ZNF620: variants seen among roughly 807,000 people sequenced by gnomAD.
ZNF620 encodes zinc finger protein 620.
Under a neutral mutation model 13.3 loss-of-function variants are expected in ZNF620, and 10 were observed. The observed-to-expected ratio is 0.75, with a 90% CI of 0.46 to 1.28. The LOEUF (loss-of-function observed/expected upper bound fraction) is 1.28. Ranked by LOEUF, ZNF620 falls within the 50% of genes most tolerant of loss-of-function variation. ZNF620 has a pLI of 0.00. For missense variants in ZNF620, 461 were observed against 500.2 expected (o/e 0.92, Z 0.75); for synonymous variants, 166 against 177.6 (o/e 0.93, Z 0.52).
rs1698228240 is a variant in ZNF620 at position 40,512,408 on chromosome 3, C to T, written c.158C>T (p.Pro53Leu). 1 of 1,614,114 alleles carries T rather than the reference C, an allele frequency of 6.2e-7. No homozygotes were observed. The highest frequency in any genetic ancestry group is 1.3e-5 in the African/African-American group (1 of 75,052). The change falls in exon 4 of 5, where the codon CCA becomes CTA. Residue 53 changes from proline to leucine, a missense_variant. Coordinates refer to ENST00000314529, the MANE Select transcript of ZNF620 (RefSeq NM_175888.4). ...TTTCTTTCTCCCTGGGCAGCATTCC[C>T]ATTCACCACGCCTGTTCTGGTCTCC... ...NYANVASLAF[P>L]FTTPVLVSQL...
rs780731618 is a variant in ZNF620 at position 40,516,506 on chromosome 3, G to A, written c.912G>A (p.Gly304=). ...VFLQHQRFHT[G]EKLYECNECW... The stretch of plus-strand genomic sequence containing the variant: ...TCCAGCACCAGAGGTTCCACACTGG[G>A]GAGAAGCTCTATGAATGTAACGAAT... Residue 304 remains glycine, a synonymous_variant, in exon 5 of 5, where the codon GGG becomes GGA. Coordinates refer to ENST00000314529, the MANE Select transcript of ZNF620 (RefSeq NM_175888.4). 1 of 1,614,114 alleles carries A rather than the reference G, an allele frequency of 6.2e-7. No homozygotes were observed. The highest frequency in any genetic ancestry group is 1.3e-5 in the African/African-American group (1 of 75,024).
chr3:40,515,779 A>AT, intron 4 of ZNF620, 81 bp from the exon 5 acceptor site: 2 of 1,283,190 alleles, frequency 1.6e-6, no homozygotes, highest in South Asian at 3.0e-5. Flanking sequence ...CAGCACAGAT[A>AT]TTGTGTGTGT....
chr3:40,516,996 C>G lies in ZNF620; in HGVS notation c.*133C>G. 2 of 960,720 alleles carry G rather than the reference C, an allele frequency of 2.1e-6. No homozygotes were observed. Among genetic ancestry groups the G allele is most frequent in the South Asian group, 2.2e-5 (1 of 45,518 alleles). 59.5% of individuals were successfully genotyped at this position (960,720 alleles called of 1,614,324 possible). ...TGAACTCTTCTTTAAGTTTTTTGAA[C>G]CTGTTTCCCCAACATGAAGTCTCTT... On this transcript the variant is annotated 3_prime_UTR_variant, in exon 5 of 5. Coordinates refer to ENST00000314529, the MANE Select transcript of ZNF620 (RefSeq NM_175888.4).
chr3:40,506,848 T>G (rs1575284880), intron 2 of ZNF620, among the ~76,000 whole-genome samples: 1 of 152,328 alleles, frequency 6.6e-6, no homozygotes, highest in African/African-American at 2.4e-5. Context: ...ATTTCAATAT[T>G]GAACAGAAGT....
intron 2 of ZNF620, among the ~76,000 whole-genome samples, chr3:40,508,234 A>C (rs1210285598): frequency 6.6e-6 from 1 of 151,104 alleles, no homozygotes; most frequent in Admixed American, 6.6e-5. Flanking sequence ...TTTTGTGTTA[A>C]ATTTGCTATT....
At chr3:40,513,316 A>AAAAATATAT (rs1193351404) in intron 4 of ZNF620, among the ~76,000 whole-genome samples, 28 of 62,636 alleles carry the variant, frequency 4.5e-4, no homozygotes, top group African/African-American at 2.0e-3. Flanking sequence ...AAAAAAAAAA[A>AAAAATATAT]ATATATATAT....
Position 40,516,790 on chromosome 3 carries a change from A to C in ZNF620, c.1196A>C (p.Lys399Thr), listed in dbSNP as rs1698404260. 5 of 1,614,166 alleles carry C rather than the reference A, an allele frequency of 3.1e-6. No homozygotes were observed. Among genetic ancestry groups the C allele is most frequent in the Non-Finnish European group, 4.2e-6 (5 of 1,180,006 alleles). ...EKPYECKVCG[K>T]TFSWCGRFIL... is the part of the protein sequence containing the mutation. ...CCTTATGAGTGTAAAGTGTGTGGTA[A>C]AACCTTCAGCTGGTGTGGAAGATTC... Residue 399 changes from lysine (K) to threonine (T), a missense_variant, in exon 5 of 5, where the codon AAA (lysine) becomes ACA (threonine). Coordinates refer to ENST00000314529, the MANE Select transcript of ZNF620 (RefSeq NM_175888.4).
At chr3:40,511,680 CTTTT>C in intron 3 of ZNF620, 84 bp downstream of exon 3, 1 of 1,525,754 alleles carries the variant, frequency 6.6e-7, no homozygotes, top group Non-Finnish European at 8.8e-7. Flanking sequence ...GGGTTTTTTT[CTTTT>C]TTTCTTTTTT....
intron 2 of ZNF620, among the ~76,000 whole-genome samples, chr3:40,507,451 TG>T (rs1189794771): frequency 9.2e-5 from 14 of 152,184 alleles, no homozygotes; most frequent in African/African-American, 3.1e-4. Context: ...AACTCTGCGG[TG>T]GGATAAAACC....
At chr3:40,512,309 T>C in intron 3 of ZNF620, 93 bp from the exon 4 acceptor site, 1 of 1,052,864 alleles carries the variant, frequency 9.5e-7, no homozygotes, top group East Asian at 2.5e-5. Context: ...TGTCTCTCAC[T>C]ACCTGGCTCA....
intron 2 of ZNF620, among the ~76,000 whole-genome samples, chr3:40,507,462 C>T (rs1248065657): frequency 4.6e-5 from 7 of 152,040 alleles, no homozygotes; most frequent in Non-Finnish European, 7.4e-5. Context: ...GGGATAAAAC[C>T]GACTTCGTCA....
Position 40,516,024 on chromosome 3 carries a change from ACAAAGT to A in ZNF620, c.436_441del (p.Ser146_Lys147del). ...GCCACAAGGTCATTGGATAATTAAG[ACAAAGT>A]CAAAGAGGAGACATTTCACAGATAC... On this transcript the variant is annotated inframe_deletion, in exon 5 of 5. Coordinates refer to ENST00000314529, the MANE Select transcript of ZNF620 (RefSeq NM_175888.4). 1 of 1,614,182 alleles carries A rather than the reference ACAAAGT, an allele frequency of 6.2e-7. No individual in the cohort carries two copies.
Position 40,516,456 on chromosome 3 carries a change from G to A in ZNF620, c.862G>A (p.Ala288Thr). The A allele has an allele frequency of 6.2e-7, 1 of 1,614,032 alleles. No homozygotes were observed. The highest frequency in any genetic ancestry group is 8.5e-7 in the Non-Finnish European group (1 of 1,179,896). Residue 288 changes from alanine to threonine, a missense_variant, in exon 5 of 5, where the codon GCC (alanine) becomes ACC (threonine). Ala to Thr is a moderately conservative substitution (Grantham distance 58). Coordinates refer to ENST00000314529, the MANE Select transcript of ZNF620 (RefSeq NM_175888.4). The part of the protein sequence containing the change: ...KPYECKECGK[A>T]FSSSSVFLQH... ...CTATGAATGTAAGGAGTGCGGCAAG[G>A]CCTTCAGTAGCAGCTCTGTCTTCCT... is the stretch of plus-strand genomic sequence containing the variant.
At position 40,515,872 on chromosome 3, in the gene ZNF620, G is replaced by A; in HGVS notation, c.278G>A (p.Arg93Lys). ...LRGICPGDEA[R>K]TEKEGLTPKD... ...CTTTTTGTGATAGGGGATGAGGCCA[G>A]AACTGAGAAGGAAGGATTAACTCCA... The change falls in exon 5 of 5, where the codon AGA becomes AAA. Residue 93 changes from arginine (R) to lysine (K), a missense_variant. Arg to Lys is a conservative substitution (Grantham distance 26, BLOSUM62 2). Coordinates refer to ENST00000314529, the MANE Select transcript of ZNF620 (RefSeq NM_175888.4). The A allele has an allele frequency of 6.2e-7, 1 of 1,609,632 alleles. No homozygotes were observed. The highest frequency in any genetic ancestry group is 8.5e-7 in the Non-Finnish European group (1 of 1,177,730).
intron 2 of ZNF620, 120 bp downstream of exon 2, chr3:40,506,496 A>C (rs1049216913): frequency 3.5e-6 from 4 of 1,158,744 alleles, no homozygotes; most frequent in Non-Finnish European, 5.0e-6. Flanking sequence ...ATCTGTCACT[A>C]TGAGAGGGAT....
intron 4 of ZNF620, among the ~76,000 whole-genome samples, chr3:40,515,383 T>C (rs1226590149): frequency 6.6e-6 from 1 of 152,234 alleles, no homozygotes; most frequent in Non-Finnish European, 1.5e-5. Context: ...ATGCATGATG[T>C]CTTTTAACAA....
chr3:40,513,479 A>T lies in ZNF620; in HGVS notation c.265+964A>T, dbSNP rs181230299. ...TGGTGAAACTCCATCGCTACTAAAA[A>T]TACAAAATATTAGCATGGACGTGGT... On this transcript the variant is annotated intron_variant, in intron 4 of 4. Transcript: ENST00000314529. Among the ~76,000 whole-genome samples, 633 of 151,034 alleles carry T rather than the reference A, an allele frequency of 4.2e-3. 8 individuals are homozygous for T. Among genetic ancestry groups the T allele is most frequent in the African/African-American group, 0.014 (598 of 41,262 alleles).
intron 2 of ZNF620, 147 bp downstream of exon 2, chr3:40,506,523 C>A: frequency 1.0e-6 from 1 of 954,968 alleles, no homozygotes; most frequent in Non-Finnish European, 1.6e-6. Flanking sequence ...GTGAGAATGC[C>A]CAAATTAAGA....
chr3:40,508,749 GAGTTGAGACTA>G (rs1461409706), intron 2 of ZNF620: 1 of 456,178 alleles, frequency 2.2e-6, no homozygotes, highest in African/African-American at 2.0e-5. Context: ...TCCTCCCAAG[GAGTTGAGACTA>G]AGTTGAGACT....
Sources: gnomAD v4.1 joint callset for allele counts (sites outside exome capture counted in the v4.1 genomes callset) on GRCh38, gnomAD v4.1.1 for gene constraint, MANE v1.5 for transcripts, NCBI Gene and HGNC (gene_info 2026-07-23, HGNC 2026-07-21) for gene names.